PFKL: variants seen among roughly 807,000 people sequenced by gnomAD.
PFKL encodes the protein phosphofructokinase, liver type.
In PFKL, 74 loss-of-function variants were observed where a neutral mutation model predicts 92.1. That is an observed-to-expected ratio of 0.80 (90% CI 0.67 to 0.97). The LOEUF is 0.97. PFKL is among the 50% of genes least tolerant of loss of function. PFKL has a pLI of 0.00. For synonymous variants in PFKL, 494 were observed against 456.4 expected, an observed-to-expected ratio of 1.08 and a Z score of -1.05; for missense variants, 1,028 against 1,116.6, an observed-to-expected ratio of 0.92 and a Z score of 1.13.
intron 10 of PFKL, 36 bp downstream of exon 10, chr21:44,318,631 C>T (rs545037211): frequency 1.4e-6 from 2 of 1,432,828 alleles, no homozygotes; most frequent in East Asian, 2.7e-5. Flanking sequence ...AACCGCCTGG[C>T]CCCTCTCCCC....
chr21:44,302,961 G>A (rs1487818797), intron 1 of PFKL, among the ~76,000 whole-genome samples: 2 of 152,168 alleles, frequency 1.3e-5, no homozygotes, highest in African/African-American at 2.4e-5. Context: ...GGCCGGGCGC[G>A]GTGGCTCACG....
At position 44,324,183 on chromosome 21, in the gene PFKL, C is replaced by T. The variant is rs145483361; in HGVS notation, c.1650+265C>T. Among the ~76,000 whole-genome samples the T allele has an allele frequency of 3.2e-3, 481 of 152,242 alleles. 7 individuals are homozygous for T. The highest frequency in any genetic ancestry group is 0.024 in the East Asian group (124 of 5,158). ...GCGGGAATGTCCCTGCGCCCCAGTG[C>T]TGGGTAGTCTAAGAGCAGCGCCTGG... On this transcript the variant is annotated intron_variant, in intron 16 of 21. Transcript: ENST00000349048.
intron 16 of PFKL, among the ~76,000 whole-genome samples, 179 bp downstream of exon 16, chr21:44,324,097 G>T (rs1413901702): frequency 6.6e-6 from 1 of 152,158 alleles, no homozygotes. Context: ...GCCACTTCCA[G>T]GTCCAGGGGG....
chr21:44,325,325 C>A, intron 19 of PFKL, 61 bp downstream of exon 19: 2 of 1,201,528 alleles, frequency 1.7e-6, no homozygotes, highest in East Asian at 2.4e-5. Flanking sequence ...CATCTGTCCC[C>A]GGCCCCAGGG....
chr21:44,307,172 C>A, intron 2 of PFKL: 1 of 588,708 alleles, frequency 1.7e-6, no homozygotes, highest in Non-Finnish European at 2.1e-6. Flanking sequence ...TGCCCTTGTC[C>A]TCCCCAGCCT....
intron 7 of PFKL, 93 bp downstream of exon 7, chr21:44,314,114 T>A: frequency 1.2e-6 from 1 of 833,252 alleles, no homozygotes; most frequent in Non-Finnish European, 2.0e-6. Flanking sequence ...CCAACTCATC[T>A]ATCACTCATG....
intron 1 of PFKL, among the ~76,000 whole-genome samples, chr21:44,306,248 G>A (rs780632121): frequency 2.0e-5 from 3 of 152,202 alleles, no homozygotes; most frequent in East Asian, 1.9e-4. Context: ...AGGTTGGGGC[G>A]GCGGGGTGTG....
intron 1 of PFKL, chr21:44,304,274 G>T (rs189992866): frequency 1.2e-5 from 16 of 1,289,046 alleles, no homozygotes; most frequent in East Asian, 1.1e-4. Context: ...GCCGTTCCCA[G>T]GTCCCCTGAC....
intron 2 of PFKL, among the ~76,000 whole-genome samples, 172 bp downstream of exon 2, chr21:44,306,926 A>T (rs1474696344): frequency 6.6e-6 from 1 of 152,200 alleles, no homozygotes; most frequent in African/African-American, 2.4e-5. Context: ...GGCCAAAGGC[A>T]TCTGCAGAAA....
chr21:44,305,539 G>A, intron 1 of PFKL: 1 of 950,248 alleles, frequency 1.1e-6, no homozygotes, highest in Non-Finnish European at 1.4e-6. Flanking sequence ...ATGGGTGCTG[G>A]GAGGGAGGCA....
chr21:44,310,943 G>A, intron 2 of PFKL, 63 bp from the exon 3 acceptor site: 3 of 1,234,244 alleles, frequency 2.4e-6, no homozygotes, highest in South Asian at 1.2e-5. Context: ...CCTGCTCCCA[G>A]ACCACTTGCT....
chr21:44,321,984 C>A, intron 13 of PFKL, 109 bp downstream of exon 13: 1 of 1,450,524 alleles, frequency 6.9e-7, no homozygotes, highest in Non-Finnish European at 9.3e-7. Context: ...GACCTGGGTC[C>A]GCGTGTCGGT....
intron 1 of PFKL, 84 bp from the exon 2 acceptor site, chr21:44,306,597 T>G (rs2070568): frequency 0.36 from 400,000 of 1,108,296 alleles, 71,701 homozygotes; most frequent in East Asian, 0.65. Context: ...AGGCCTCCCC[T>G]ACCCCCTGTC....
intron 21 of PFKL, 67 bp from the exon 22 acceptor site, chr21:44,326,648 G>A: frequency 6.5e-7 from 1 of 1,531,570 alleles, no homozygotes; most frequent in Non-Finnish European, 8.8e-7. Flanking sequence ...GGGGGGGCTG[G>A]GGACGTGGCT....
At chr21:44,307,829 C>T (rs960569705) in intron 2 of PFKL, among the ~76,000 whole-genome samples, 2 of 152,226 alleles carry the variant, frequency 1.3e-5, no homozygotes, top group African/African-American at 2.4e-5. Flanking sequence ...CAAACCCCTC[C>T]TGCCACCTGC....
intron 1 of PFKL, 23 bp from the exon 2 acceptor site, chr21:44,306,658 C>G: frequency 6.2e-7 from 1 of 1,609,172 alleles, no homozygotes; most frequent in Non-Finnish European, 8.5e-7. Flanking sequence ...GTGGGACTGA[C>G]AGGTTTGCCC....
rs752429204 is a variant in PFKL at position 44,325,967 on chromosome 21, G to A, written c.1996G>A (p.Ala666Thr). Reference protein sequence around the residue: ...NVLGHLQQGGAPTPFDRNYGT... With the variant: ...NVLGHLQQGGTPTPFDRNYGT... Reference sequence around the variant, plus strand: ...GGGCCTCACCTGTTTCCAGGGTGGCGCTCCAACCCCCTTTGACCGGAACTA... The same window carrying A: ...GGGCCTCACCTGTTTCCAGGGTGGCACTCCAACCCCCTTTGACCGGAACTA... Residue 666 changes from alanine to threonine, a missense_variant, in exon 20 of 22, where the codon GCT becomes ACT. Transcript: ENST00000349048. The A allele has an allele frequency of 2.0e-5, 32 of 1,612,690 alleles. No individual in the cohort carries two copies. The highest frequency in any genetic ancestry group is 2.0e-4 in the South Asian group (18 of 90,916).
chr21:44,306,616 T>TGGGGGGG, intron 1 of PFKL, 65 bp from the exon 2 acceptor site: 1 of 1,393,400 alleles, frequency 7.2e-7, no homozygotes, highest in Non-Finnish European at 1.0e-6. Flanking sequence ...TCCTCTGAGA[T>TGGGGGGG]GGGGAGGGTG....
chr21:44,313,813 GAC>G, intron 6 of PFKL, 98 bp from the exon 7 acceptor site: 1 of 1,325,644 alleles, frequency 7.5e-7, no homozygotes. Context: ...GGCCGGGAGA[GAC>G]AGAGAAGCTG....
Sources: gnomAD v4.1 joint callset for allele counts (sites outside exome capture counted in the v4.1 genomes callset) on GRCh38, gnomAD v4.1.1 for gene constraint, MANE v1.5 for transcripts, NCBI Gene and HGNC (gene_info 2026-07-23, HGNC 2026-07-21) for gene names.